The following CRYBG1 variants were observed in gnomAD, a reference collection of about 807,000 sequenced individuals.
CRYBG1 encodes beta/gamma crystallin domain-containing protein 1.
Under a neutral mutation model 189.2 loss-of-function variants are expected in CRYBG1, and 139 were observed. The ratio of observed to expected loss-of-function variants is 0.73; its 90% CI spans 0.64 to 0.85. The LOEUF (loss-of-function observed/expected upper bound fraction) is 0.85. Ranked by LOEUF, CRYBG1 falls within the 40% of genes least tolerant of loss-of-function variation. The pLI is 0.00. For synonymous variants in CRYBG1, 1,023 were observed against 1,017.1 expected, an observed-to-expected ratio of 1.01 and a Z score of -0.11; for missense variants, 2,611 against 2,675.8, an observed-to-expected ratio of 0.98 and a Z score of 0.53.
intron 2 of CRYBG1, among the ~76,000 whole-genome samples, chr6:106,492,914 T>C: frequency 1.3e-5 from 2 of 152,216 alleles, no homozygotes. Context: ...GTAAATATAG[T>C]CATGGTAGGC....
At chr6:106,377,128 C>G (rs1228362733) in intron 1 of CRYBG1, among the ~76,000 whole-genome samples, 1 of 152,150 alleles carries the variant, frequency 6.6e-6, no homozygotes, top group East Asian at 1.9e-4. Flanking sequence ...TTTCATTTCC[C>G]TTTTCAACCT....
chr6:106,460,909 C>T (rs1771997557), intron 2 of CRYBG1, among the ~76,000 whole-genome samples: 1 of 152,136 alleles, frequency 6.6e-6, no homozygotes, highest in Non-Finnish European at 1.5e-5. Context: ...GCTTCAGCCT[C>T]CAGATTAGCT....
Position 106,521,100 on chromosome 6 carries a change from AAAG to A in CRYBG1, c.3895_3897del (p.Glu1299del). On this transcript the variant is annotated inframe_deletion, in exon 4 of 22. Coordinates refer to ENST00000633556, the MANE Select transcript of CRYBG1 (RefSeq NM_001371242.2). ...GGGTGCCCCGCCCTGTGGTTTGAAC[AAAG>A]AACAGTCAAATCTTCTGCCCGACAA... 1 of 1,614,206 alleles carries A rather than the reference AAAG, an allele frequency of 6.2e-7. No individual in the cohort carries two copies. The highest frequency in any genetic ancestry group is 8.5e-7 in the Non-Finnish European group (1 of 1,180,024).
chr6:106,499,300 C>T (rs1018664352), intron 2 of CRYBG1, among the ~76,000 whole-genome samples: 2 of 149,348 alleles, frequency 1.3e-5, no homozygotes, highest in African/African-American at 4.9e-5. Flanking sequence ...TTACAGGTGC[C>T]GGCCACCACA....
intron 2 of CRYBG1, among the ~76,000 whole-genome samples, chr6:106,506,446 CTTTTTTTTTTTT>C (rs67154803): frequency 5.7e-5 from 4 of 69,920 alleles, no homozygotes; most frequent in Non-Finnish European, 7.8e-5. Context: ...TTTCTTGTCA[CTTTTTTTTTTTT>C]TTTTTTTTTT....
At chr6:106,461,129 A>G (rs1042788152) in intron 2 of CRYBG1, among the ~76,000 whole-genome samples, 2 of 152,164 alleles carry the variant, frequency 1.3e-5, no homozygotes, top group African/African-American at 4.8e-5. Flanking sequence ...TTAACATGAA[A>G]AAATATTTAC....
chr6:106,563,457 G>A (rs1248889753), intron 20 of CRYBG1, among the ~76,000 whole-genome samples: 4 of 152,156 alleles, frequency 2.6e-5, no homozygotes, highest in Admixed American at 2.6e-4. Context: ...ACTTATGACA[G>A]GGAAAAATAT....
In CRYBG1 at chr6:106,525,269, T is replaced by G. The variant is rs1320915781; in HGVS notation, c.4295T>G (p.Val1432Gly). ...QNKLNPRPGKVVIYSEPDVSE... is the reference protein window; with the variant it reads ...QNKLNPRPGKGVIYSEPDVSE... ...GCTACCACTTTCGTTTTCTTGCAGG[T>G]AGTGATATATAGTGAACCCGACGTC... The change falls in exon 6 of 22, where the codon GTA becomes GGA. Residue 1432 changes from valine (V) to glycine (G), a missense_variant and splice_region_variant. Transcript: ENST00000633556. The G allele has an allele frequency of 6.2e-7, 1 of 1,613,944 alleles. No individual in the cohort carries two copies. Among genetic ancestry groups the G allele is most frequent in the East Asian group, 2.2e-5 (1 of 44,846 alleles).
chr6:106,485,093 A>C (rs1353176036), intron 2 of CRYBG1, among the ~76,000 whole-genome samples: 1 of 152,232 alleles, frequency 6.6e-6, no homozygotes, highest in Non-Finnish European at 1.5e-5. Flanking sequence ...TAGTATGCCC[A>C]TTTTAACAAT....
At chr6:106,392,003 AAG>A (rs1179729059) in intron 1 of CRYBG1, among the ~76,000 whole-genome samples, 1 of 151,210 alleles carries the variant, frequency 6.6e-6, no homozygotes, top group Non-Finnish European at 1.5e-5. Flanking sequence ...GGCAGAAAGC[AAG>A]AGAGTTAATC....
intron 1 of CRYBG1, among the ~76,000 whole-genome samples, chr6:106,401,380 CTGAA>C (rs1474534095): frequency 1.0e-4 from 14 of 140,438 alleles, no homozygotes; most frequent in African/African-American, 3.5e-4. Flanking sequence ...TTCTTGTTTG[CTGAA>C]TGATTCTTTT....
chr6:106,381,425 C>G (rs1770286079), intron 1 of CRYBG1, among the ~76,000 whole-genome samples: 1 of 152,116 alleles, frequency 6.6e-6, no homozygotes, highest in South Asian at 2.1e-4. Context: ...ACCATGAATT[C>G]TAAGTGCTAA....
At position 106,561,454 on chromosome 6, in the gene CRYBG1, C is replaced by T. The variant is rs367958919; in HGVS notation, c.6092C>T (p.Ala2031Val). 3 of 1,613,950 alleles carry T rather than the reference C, an allele frequency of 1.9e-6. No individual in the cohort carries two copies. The African/African-American group carries it at 4.0e-5, about 22-fold the overall frequency. The change falls in exon 20 of 22, where the codon GCC becomes GTC. Residue 2031 changes from alanine (A) to valine (V), a missense_variant. Ala to Val is a moderately conservative substitution (Grantham distance 64). Around this residue, in one of 3 missense-constraint regions of CRYBG1, gnomAD observed 1,622 missense variants for 1,735.0 expected, o/e 0.93. Transcript: ENST00000633556. ...LRIQVMEDVG[A>V]DDQIWIYQEG... ...ATACAGGTCATGGAGGATGTCGGGG[C>T]CGATGATCAGATTTGGATCTATCAA...
chr6:106,513,051 C>T lies in CRYBG1; in HGVS notation c.1922+12C>T, dbSNP rs781105035. ...ACTAAAGTGACCCTGTAAGTAGCCG[C>T]GCAAGTCCCGGCCGAGTTGCTGTCC... is the stretch of plus-strand genomic sequence containing the variant. On this transcript the variant is annotated intron_variant, in intron 3 of 21. Transcript: ENST00000633556. The T allele has an allele frequency of 6.9e-6, 11 of 1,593,408 alleles. No homozygotes were observed. The highest frequency in any genetic ancestry group is 9.3e-6 in the Non-Finnish European group (11 of 1,176,636).
intron 8 of CRYBG1, 30 bp downstream of exon 8, chr6:106,530,345 A>G: frequency 6.3e-7 from 1 of 1,590,558 alleles, no homozygotes; most frequent in Non-Finnish European, 8.6e-7. Flanking sequence ...ACAAATTTTA[A>G]TGAAGTTTTT....
intron 1 of CRYBG1, among the ~76,000 whole-genome samples, chr6:106,378,538 C>T (rs1054198126): frequency 2.0e-5 from 3 of 152,206 alleles, no homozygotes; most frequent in African/African-American, 4.8e-5. Flanking sequence ...ACCAGGTTGC[C>T]CTCTCTTACA....
At chr6:106,435,444 CAT>C (rs1051005942) in intron 1 of CRYBG1, among the ~76,000 whole-genome samples, 5 of 152,136 alleles carry the variant, frequency 3.3e-5, no homozygotes, top group African/African-American at 4.8e-5. Flanking sequence ...GAATTACACA[CAT>C]GAGTCACTGT....
intron 2 of CRYBG1, among the ~76,000 whole-genome samples, chr6:106,511,169 A>T (rs1773250267): frequency 1.3e-5 from 2 of 152,192 alleles, no homozygotes; most frequent in Admixed American, 6.5e-5. Flanking sequence ...GACCGTTCAA[A>T]TTTTCCTTTA....
chr6:106,517,377 CACATAT>C (rs1582811751), intron 3 of CRYBG1, among the ~76,000 whole-genome samples: 3 of 71,944 alleles, frequency 4.2e-5, no homozygotes, highest in Non-Finnish European at 6.6e-5. Flanking sequence ...TATACACACA[CACATAT>C]ACACACATAT....
Sources: gnomAD v4.1 joint callset for allele counts (sites outside exome capture counted in the v4.1 genomes callset) on GRCh38, gnomAD v4.1.1 for gene constraint, gnomAD v4.1.1 regional missense constraint, MANE v1.5 for transcripts, NCBI Gene and HGNC (gene_info 2026-07-23, HGNC 2026-07-21) for gene names.